The following C8orf34 variants were observed in gnomAD, a reference collection of about 807,000 sequenced individuals.
C8orf34 encodes chromosome 8 open reading frame 34.
C8orf34 carries 65 observed loss-of-function variants against 68.3 expected under a neutral mutation model. That is an observed-to-expected ratio of 0.95 (90% confidence interval 0.78 to 1.17). The LOEUF (loss-of-function observed/expected upper bound fraction) is 1.17, where lower values mean the gene tolerates loss of function less well. Among genes scored for constraint, C8orf34 ranks in the 50% most tolerant of loss-of-function variants. The pLI, the probability that C8orf34 is intolerant of heterozygous loss-of-function variation, is 0.00. For missense variants in C8orf34, 664 were observed against 655.4 expected (o/e 1.01, Z -0.14); for synonymous variants, 244 against 241.2 (o/e 1.01, Z -0.11).
intron 4 of C8orf34, among the ~76,000 whole-genome samples, chr8:68,478,379 T>C (rs540611298): frequency 4.9e-4 from 75 of 152,284 alleles, no homozygotes; most frequent in African/African-American, 1.8e-3. Context: ...ATCACTATCA[T>C]CATTTTAGTC....
At chr8:68,535,099 A>C (rs1815407192) in intron 7 of C8orf34, 1 of 985,036 alleles carries the variant, frequency 1.0e-6, no homozygotes, top group African/African-American at 1.7e-5. Context: ...AGTCCACTGG[A>C]CTTTATCTTA....
At chr8:68,460,130 G>C (rs551181198) in intron 3 of C8orf34, among the ~76,000 whole-genome samples, 1 of 152,294 alleles carries the variant, frequency 6.6e-6, no homozygotes, top group African/African-American at 2.4e-5. Context: ...GGAGTACCAG[G>C]AGATTATATC....
chr8:68,352,589 C>T (rs1418107334), intron 1 of C8orf34, among the ~76,000 whole-genome samples: 2 of 152,070 alleles, frequency 1.3e-5, no homozygotes, highest in African/African-American at 4.8e-5. Context: ...CATGAATGCA[C>T]TCCTTTACGC....
intron 1 of C8orf34, among the ~76,000 whole-genome samples, chr8:68,397,562 A>T (rs1485200231): frequency 6.6e-6 from 1 of 152,138 alleles, no homozygotes; most frequent in East Asian, 1.9e-4. Context: ...ATATGGTATA[A>T]TAATTTATTC....
rs1014874540 is a variant in C8orf34, at chr8:68,465,556, G to A, written c.608-3136G>A. 5.3e-5 allele frequency among the ~76,000 whole-genome samples: 8 copies of A among 152,216 alleles called. 1 individual carries two copies. Among genetic ancestry groups the A allele is most frequent in the Middle Eastern group, 3.4e-3 (1 of 294 alleles). On this transcript the variant is annotated intron_variant, in intron 3 of 13. Coordinates refer to ENST00000518698, the MANE Select transcript of C8orf34 (RefSeq NM_052958.4). Reference sequence around the variant, plus strand: ...GCAAAGTCTTGGAACCAACCCAAATGTCCAACAATGATAGACTGGTTTAAG... The same window carrying A: ...GCAAAGTCTTGGAACCAACCCAAATATCCAACAATGATAGACTGGTTTAAG...
intron 12 of C8orf34, among the ~76,000 whole-genome samples, chr8:68,794,506 T>TATATATATATAAATA (rs58048066): frequency 1.7e-5 from 1 of 59,046 alleles, no homozygotes; most frequent in Non-Finnish European, 3.0e-5. Context: ...TATATATATA[T>TATATATATATAAATA]TTTTTTTTTT....
rs868231712 is a variant in C8orf34, at chr8:68,640,488, G to C, written c.1218G>C (p.Leu406=). ...CTGAGCCTCAGGCCAAGGTCACACT[G>C]AACATCTGTTCAAGGTGTGCCAGGT... The part of the protein sequence containing the change: ...YPAEPQAKVT[L]NICSRCARLQ... The change falls in exon 8 of 14, where the codon CTG becomes CTC. Residue 406 remains leucine (L), a synonymous_variant. Transcript: ENST00000518698. 1 of 1,613,814 alleles carries C rather than the reference G, an allele frequency of 6.2e-7. No homozygotes were observed. The highest frequency in any genetic ancestry group is 1.1e-5 in the South Asian group (1 of 91,054).
At chr8:68,418,659 C>A (rs955805354) in intron 1 of C8orf34, among the ~76,000 whole-genome samples, 1 of 152,082 alleles carries the variant, frequency 6.6e-6, no homozygotes, top group African/African-American at 2.4e-5. Flanking sequence ...CAGAACAGAG[C>A]CCTCAGGAAT....
intron 9 of C8orf34, among the ~76,000 whole-genome samples, chr8:68,720,385 C>T (rs1304023550): frequency 1.3e-5 from 2 of 151,846 alleles, no homozygotes; most frequent in Non-Finnish European, 2.9e-5. Flanking sequence ...CCATTATCTC[C>T]CTGGTGTTCA....
At chr8:68,333,200 G>T (rs1805705503) in intron 1 of C8orf34, among the ~76,000 whole-genome samples, 3 of 152,146 alleles carry the variant, frequency 2.0e-5, no homozygotes, top group South Asian at 4.1e-4. Context: ...TATTTATGAA[G>T]TGCCCCCTAA....
rs1824882627 is a variant in C8orf34, at chr8:68,818,351, T to C, written c.*105T>C. The C allele has an allele frequency of 7.8e-7, 1 of 1,278,938 alleles. No individual in the cohort carries two copies. The highest frequency in any genetic ancestry group is 1.1e-6 in the Non-Finnish European group (1 of 890,938). 79.2% of individuals were successfully genotyped at this position (1,278,938 alleles called of 1,614,324 possible). A position where few individuals can be genotyped will look rare whatever the true frequency, so the allele number is the denominator to read the frequency against. On this transcript the variant is annotated 3_prime_UTR_variant, in exon 14 of 14. Coordinates refer to ENST00000518698, the MANE Select transcript of C8orf34 (RefSeq NM_052958.4). ...CTATGTGTAATCATTTAGAGAATGG[T>C]TATTTTTATAATCTCAATAATAAAC...
In C8orf34 at chr8:68,415,919, A is replaced by G. The variant is rs140072624; in HGVS notation, c.328-23580A>G. 3.3e-4 allele frequency among the ~76,000 whole-genome samples: 51 copies of G among 152,332 alleles called. 1 individual carries two copies. The East Asian group carries it at 9.4e-3, about 28-fold the overall frequency. The stretch of plus-strand genomic sequence containing the variant: ...TAAAATTTAAAATCTTATGGAAGGA[A>G]CTTGGCAATTTTGTGGATCTTGGGA... On this transcript the variant is annotated intron_variant, in intron 1 of 13. Transcript: ENST00000518698.
chr8:68,389,191 C>G (rs7009700), intron 1 of C8orf34, among the ~76,000 whole-genome samples: 10,349 of 152,134 alleles, frequency 0.068, 425 homozygotes, highest in African/African-American at 0.11. Context: ...CTCATGGAGC[C>G]TGTTATATAT....
At chr8:68,785,179 G>A (rs2978237) in intron 11 of C8orf34, among the ~76,000 whole-genome samples, 70,221 of 151,398 alleles carry the variant, frequency 0.46, 18,813 homozygotes, top group African/African-American at 0.74. Flanking sequence ...ACTCCAGCCC[G>A]GGCAACAAAG....
chr8:68,433,238 T>A (rs1032272960), intron 1 of C8orf34, among the ~76,000 whole-genome samples: 1 of 152,142 alleles, frequency 6.6e-6, no homozygotes, highest in Non-Finnish European at 1.5e-5. Flanking sequence ...TTAGAGTAAA[T>A]AAATTCAGTC....
At chr8:68,579,639 A>G (rs1367947266) in intron 7 of C8orf34, among the ~76,000 whole-genome samples, 2 of 152,174 alleles carry the variant, frequency 1.3e-5, no homozygotes, top group African/African-American at 4.8e-5. Context: ...GCAGATCAGC[A>G]GTATCAGTAG....
chr8:68,812,546 G>A (rs2958323), intron 12 of C8orf34, among the ~76,000 whole-genome samples: 118,748 of 151,974 alleles, frequency 0.78, 47,454 homozygotes, highest in African/African-American at 0.95. Flanking sequence ...TTTTTTTTAA[G>A]GTTTCTACCA....
At position 68,730,613 on chromosome 8, in the gene C8orf34, G is replaced by A. The variant is rs116125422; in HGVS notation, c.1404+9176G>A. Among the ~76,000 whole-genome samples the A allele has an allele frequency of 5.3e-3, 811 of 152,194 alleles. 7 individuals are homozygous for A. The highest frequency in any genetic ancestry group is 0.018 in the African/African-American group (734 of 41,548). The stretch of plus-strand genomic sequence containing the variant: ...GCATAGGGAAAAAATGGCCTGAGAT[G>A]ATAAAGTGTGATCTAATAAATGTTT... On this transcript the variant is annotated intron_variant, in intron 10 of 13. Coordinates refer to ENST00000518698, the MANE Select transcript of C8orf34 (RefSeq NM_052958.4).
intron 8 of C8orf34, among the ~76,000 whole-genome samples, chr8:68,663,663 C>T (rs1819752868): frequency 6.6e-6 from 1 of 152,152 alleles, no homozygotes; most frequent in Non-Finnish European, 1.5e-5. Context: ...ACTTAGGTGT[C>T]AGGAGCCTCA....
Sources: allele counts gnomAD v4.1 joint callset (sites outside exome capture counted in the v4.1 genomes callset), GRCh38; gene constraint gnomAD v4.1.1; transcripts MANE v1.5; gene names NCBI Gene and HGNC (gene_info 2026-07-23, HGNC 2026-07-21).